Variants in OCRL observed in about 807,000 individuals in gnomAD.
OCRL encodes OCRL inositol polyphosphate-5-phosphatase, also known as inositol polyphosphate 5-phosphatase OCRL.
OCRL carries 8 observed loss-of-function variants against 78.9 expected under a neutral mutation model. That is an observed-to-expected ratio of 0.10 (90% confidence interval 0.06 to 0.18). The LOEUF (loss-of-function observed/expected upper bound fraction) is 0.18. OCRL is among the 10% of genes least tolerant of loss of function. The probability of loss-of-function intolerance (pLI) is 1.00; values close to 1 mark genes in which losing one functional copy is unlikely to be tolerated. For synonymous variants in OCRL, 240 were observed against 235.4 expected (o/e 1.02, Z -0.18); for missense variants, 454 against 696.7 (o/e 0.65, Z 3.92).
intron 4 of OCRL, among the ~76,000 whole-genome samples, chrX:129,557,027 T>G (rs1403087776): frequency 9.0e-6 from 1 of 111,569 alleles, no homozygotes; most frequent in Non-Finnish European, 1.9e-5. Context: ...GTCTGAGAGA[T>G]AGATCAGAAC....
At position 129,576,750 on chromosome X, in the gene OCRL, CTTG is replaced by C. The variant is rs761771560; in HGVS notation, c.2115+203_2115+205del. Among the ~76,000 whole-genome samples, 300 of 111,819 alleles carry C rather than the reference CTTG, an allele frequency of 2.7e-3. 2 individuals carry two copies. The highest frequency in any genetic ancestry group is 4.4e-3 in the Non-Finnish European group (233 of 53,172). Reference sequence around the variant, plus strand: ...AGGGGGGACTAATCTGCAGTTGGCTCTTGTTGTGAGTACAATACATAATACTAA... The same window carrying C: ...AGGGGGGACTAATCTGCAGTTGGCTCTTGTGAGTACAATACATAATACTAA... On this transcript the variant is annotated intron_variant, in intron 18 of 23. Transcript: ENST00000371113.
In OCRL at chrX:129,578,221, C is replaced by T. The variant is rs764575958; in HGVS notation, c.2115+1669C>T. Among the ~76,000 whole-genome samples, 20 of 111,564 alleles carry T rather than the reference C, an allele frequency of 1.8e-4. No homozygotes were observed. In the South Asian group the frequency reaches 3.4e-3, roughly 19 times the overall value. On this transcript the variant is annotated intron_variant, in intron 18 of 23. Coordinates refer to ENST00000371113, the MANE Select transcript of OCRL (RefSeq NM_000276.4). Reference sequence around the variant, plus strand: ...GTAATCCATAGTATCATTTAACATTCGGTCCATATTCAGATTTCTTCAGTT... The same window carrying T: ...GTAATCCATAGTATCATTTAACATTTGGTCCATATTCAGATTTCTTCAGTT...
rs753415077 is a variant in OCRL, at chrX:129,581,831, T to TTCTCTCTC, written c.2116-2485_2116-2478dup. On this transcript the variant is annotated intron_variant, in intron 18 of 23. Coordinates refer to ENST00000371113, the MANE Select transcript of OCRL (RefSeq NM_000276.4). ...TAGCCTTTGAATGATCCCTTTGTCT[T>TTCTCTCTC]TCTCTCTCTCTCTCTCTCTCTCTCT... 7.4e-3 allele frequency among the ~76,000 whole-genome samples: 488 copies of TTCTCTCTC among 65,514 alleles called. 8 individuals are homozygous for TTCTCTCTC. The highest frequency in any genetic ancestry group is 0.033 in the East Asian group (46 of 1,390). 56.9% of individuals were successfully genotyped at this position (65,514 alleles called of 115,157 possible).
intron 3 of OCRL, 64 bp downstream of exon 3, chrX:129,545,101 A>ATGGTATTAC: frequency 1.7e-6 from 1 of 599,042 alleles, no homozygotes; most frequent in Non-Finnish European, 2.9e-6. Flanking sequence ...TGCATTATGT[A>ATGGTATTAC]ATACCATACA....
intron 2 of OCRL, among the ~76,000 whole-genome samples, chrX:129,544,208 A>G (rs1935847219): frequency 8.9e-6 from 1 of 111,886 alleles, no homozygotes; most frequent in African/African-American, 3.2e-5. Flanking sequence ...ATTCTGGACC[A>G]CTAAGGATAA....
rs1400437852 is a variant in OCRL, at chrX:129,584,360, T to G, written c.2132T>G (p.Leu711Arg). ...KLIDLEEDSF[L>R]EKEKSLLQMV... ...CGCTCTCAGGAAGAAGACAGCTTCC[T>G]AGAAAAGGTAATGCAATCCATTGGT... The change falls in exon 19 of 24, where the codon CTA becomes CGA. Residue 711 changes from leucine (L) to arginine (R), a missense_variant. By Grantham distance (102) the Leu-to-Arg change is moderately radical. Around this residue, in one of 2 missense-constraint regions of OCRL, gnomAD observed 277 missense variants for 517.1 expected, o/e 0.54. Coordinates refer to ENST00000371113, the MANE Select transcript of OCRL (RefSeq NM_000276.4). 3 of 1,205,946 alleles carry G rather than the reference T, an allele frequency of 2.5e-6. No homozygotes were observed. The highest frequency in any genetic ancestry group is 5.9e-5 in the East Asian group (2 of 33,768).
chrX:129,583,086 T>A (rs1449919824), intron 18 of OCRL, among the ~76,000 whole-genome samples: 7 of 111,671 alleles, frequency 6.3e-5, no homozygotes, highest in Admixed American at 9.5e-5. Flanking sequence ...ACCCATTGGT[T>A]TTAGGCTGCT....
At chrX:129,584,431 C>T in intron 19 of OCRL, 64 bp downstream of exon 19, 11 of 1,078,954 alleles carry the variant, frequency 1.0e-5, no homozygotes, top group Non-Finnish European at 1.4e-5. Flanking sequence ...AACTGTGGTC[C>T]CTGGAATTTG....
chrX:129,576,174 G>A, intron 17 of OCRL, 112 bp downstream of exon 17: 1 of 934,539 alleles, frequency 1.1e-6, no homozygotes, highest in Non-Finnish European at 1.5e-6. Flanking sequence ...TCATATTGGT[G>A]ATACCTCTGG....
Position 129,576,382 on chromosome X carries a change from G to C in OCRL, c.1945G>C (p.Gly649Arg), listed in dbSNP as rs776617019. ...SKDSVTILNS[G>R]EDKIEDILVL... ...AGACTCTGTAACCATCCTGAACTCG[G>C]GAGAAGATAAGATTGAAGATATTCT... Residue 649 changes from glycine (G) to arginine (R), a missense_variant, in exon 18 of 24, where the codon GGA becomes CGA. Physicochemically the swap from Gly to Arg is moderately radical, Grantham distance 125. Around this residue, in one of 2 missense-constraint regions of OCRL, gnomAD observed 277 missense variants for 517.1 expected, o/e 0.54. Coordinates refer to ENST00000371113, the MANE Select transcript of OCRL (RefSeq NM_000276.4). The C allele has an allele frequency of 3.3e-6, 4 of 1,211,155 alleles. No homozygotes were observed. Among genetic ancestry groups the C allele is most frequent in the Non-Finnish European group, 3.4e-6 (3 of 895,000 alleles).
intron 2 of OCRL, among the ~76,000 whole-genome samples, chrX:129,543,537 A>G (rs1023648265): frequency 8.8e-6 from 1 of 113,286 alleles, no homozygotes; most frequent in East Asian, 2.8e-4. Context: ...AACTTTCCAG[A>G]TGGAAAGGGG....
intron 14 of OCRL, among the ~76,000 whole-genome samples, chrX:129,568,936 G>A (rs1279957228): frequency 2.7e-5 from 3 of 112,687 alleles, no homozygotes; most frequent in African/African-American, 6.5e-5. Context: ...TTTTAAGAAC[G>A]TGCTATTTTC....
At chrX:129,573,395 C>T (rs761878992) in intron 15 of OCRL, among the ~76,000 whole-genome samples, 22 of 110,850 alleles carry the variant, frequency 2.0e-4, no homozygotes, top group Non-Finnish European at 3.8e-4. Flanking sequence ...CCCACTACCC[C>T]GAGTGGCCTG....
At chrX:129,589,598 T>C (rs752372161) in intron 22 of OCRL, 8 of 408,194 alleles carry the variant, frequency 2.0e-5, no homozygotes, top group Non-Finnish European at 3.4e-5. Context: ...AGGGTGTGCG[T>C]ATGAATGTGT....
chrX:129,556,505 C>T (rs773388453), intron 4 of OCRL, among the ~76,000 whole-genome samples: 1 of 111,860 alleles, frequency 8.9e-6, no homozygotes, highest in Admixed American at 9.5e-5. Flanking sequence ...GAGAAAACAA[C>T]GTATGTAATA....
At chrX:129,588,111 C>A in intron 20 of OCRL, 68 bp from the exon 21 acceptor site, 1 of 798,001 alleles carries the variant, frequency 1.3e-6, no homozygotes, top group Non-Finnish European at 1.9e-6. Flanking sequence ...TCTTCTGATC[C>A]TTGGGTAATC....
At chrX:129,584,501 C>T (rs748241307) in intron 19 of OCRL, 134 bp downstream of exon 19, 9 of 581,385 alleles carry the variant, frequency 1.5e-5, no homozygotes, top group South Asian at 5.0e-5. Flanking sequence ...AAAGTCCTGC[C>T]GGCTGTCCTT....
Position 129,540,488 on chromosome X carries a change from G to T in OCRL, c.39+10G>T. 3.5e-6 allele frequency: 4 copies of T among 1,151,790 alleles called. No homozygotes were observed. The highest frequency in any genetic ancestry group is 4.6e-6 in the Non-Finnish European group (4 of 868,699). The allele number at this position is 1,151,790 out of a possible 1,213,427, so 94.9% of individuals were successfully genotyped here. A position where few individuals can be genotyped will look rare whatever the true frequency, so the allele number is the denominator to read the frequency against. On this transcript the variant is annotated intron_variant, in intron 1 of 23. Coordinates refer to ENST00000371113, the MANE Select transcript of OCRL (RefSeq NM_000276.4). ...AGCCCAGCCGCTTGCCGTATCCGCC[G>T]GAGAGAAGGGAGAGGGGAGGCCGCG...
At chrX:129,569,474 A>G in intron 15 of OCRL, 75 bp downstream of exon 15, 1 of 1,048,460 alleles carries the variant, frequency 9.5e-7, no homozygotes, top group Non-Finnish European at 1.3e-6. Flanking sequence ...GACTCAGAAC[A>G]GATCAGTAAT....
Sources: gnomAD v4.1 joint callset for allele counts (sites outside exome capture counted in the v4.1 genomes callset) on GRCh38, gnomAD v4.1.1 for gene constraint, gnomAD v4.1.1 regional missense constraint, MANE v1.5 for transcripts, NCBI Gene and HGNC (gene_info 2026-07-23, HGNC 2026-07-21) for gene names.